The following HRH1 variants were observed in gnomAD, a reference collection of about 807,000 sequenced individuals.
HRH1 encodes histamine receptor H1.
Under a neutral mutation model 10.3 loss-of-function variants are expected in HRH1, and 6 were observed. The ratio of observed to expected loss-of-function variants is 0.58; its 90% CI spans 0.32 to 1.15. HRH1 has a LOEUF of 1.15. Ranked by LOEUF, HRH1 falls within the 50% of genes most tolerant of loss-of-function variation. The pLI is 0.05. For synonymous variants in HRH1, 242 were observed against 236.7 expected (o/e 1.02, Z -0.21); for missense variants, 514 against 615.3 (o/e 0.84, Z 1.74).
chr3:11,258,948 AG>A, intron 1 of HRH1, 54 bp from the exon 2 acceptor site: 3 of 1,256,298 alleles, frequency 2.4e-6, no homozygotes, highest in Non-Finnish European at 3.3e-6. Flanking sequence ...CATGCTACTA[AG>A]TGGCCACTCA....
At chr3:11,144,625 T>C (rs1936390655) in intron 1 of HRH1, among the ~76,000 whole-genome samples, 1 of 151,598 alleles carries the variant, frequency 6.6e-6, no homozygotes, top group Admixed American at 6.6e-5. Flanking sequence ...AGAGATGGGG[T>C]CATCACCACT....
intron 1 of HRH1, among the ~76,000 whole-genome samples, chr3:11,137,861 G>A (rs2124989714): frequency 6.6e-6 from 1 of 152,230 alleles, no homozygotes; most frequent in East Asian, 1.9e-4. Flanking sequence ...GTTATGGCGG[G>A]AGAGTATCTG....
At chr3:11,178,779 T>C (rs970180962) in intron 1 of HRH1, among the ~76,000 whole-genome samples, 2 of 152,104 alleles carry the variant, frequency 1.3e-5, no homozygotes, top group Non-Finnish European at 2.9e-5. Flanking sequence ...CCGAGAGCCC[T>C]TCCTTCATAC....
In HRH1 at chr3:11,225,709, G is replaced by A. The variant is rs534350211; in HGVS notation, c.-35-33294G>A. The stretch of plus-strand genomic sequence containing the variant: ...TTATTTACTTACTTACTTTTGAGAC[G>A]GAGTCTCGCTCTGTCGCCCAGGCTG... On this transcript the variant is annotated intron_variant, in intron 1 of 1. Transcript: ENST00000431010. Among the ~76,000 whole-genome samples, 184 of 152,314 alleles carry A rather than the reference G, an allele frequency of 1.2e-3. 1 individual carries two copies. The highest frequency in any genetic ancestry group is 3.7e-3 in the African/African-American group (154 of 41,572).
At chr3:11,245,351 TA>T (rs5846699) in intron 1 of HRH1, among the ~76,000 whole-genome samples, 124,360 of 149,792 alleles carry the variant, frequency 0.83, 51,794 homozygotes, top group East Asian at 0.91. Context: ...AGACTTCATC[TA>T]AAAAAAAAAA....
chr3:11,249,186 G>A lies in HRH1; in HGVS notation c.-35-9817G>A, dbSNP rs200726359. Among the ~76,000 whole-genome samples the A allele has an allele frequency of 7.2e-5, 11 of 152,172 alleles. No homozygotes were observed. In the East Asian group the frequency reaches 1.9e-3, roughly 27 times the overall value. On this transcript the variant is annotated intron_variant, in intron 1 of 1. Transcript: ENST00000431010. ...CCAAGGCAGGTGGATCACGAGGTCA[G>A]GAGATCCAGACCATCCTGGATAACA... is the stretch of plus-strand genomic sequence containing the variant.
At chr3:11,249,057 A>G (rs1429660191) in intron 1 of HRH1, among the ~76,000 whole-genome samples, 2 of 152,154 alleles carry the variant, frequency 1.3e-5, no homozygotes, top group Admixed American at 6.6e-5. Flanking sequence ...TATAATGGTA[A>G]CTTTAGTTTT....
At chr3:11,159,258 A>G (rs867220050) in intron 1 of HRH1, among the ~76,000 whole-genome samples, 1 of 152,142 alleles carries the variant, frequency 6.6e-6, no homozygotes, top group African/African-American at 2.4e-5. Context: ...AAAAAAACAA[A>G]ACAAAAAGAC....
upstream of HRH1, among the ~76,000 whole-genome samples, chr3:11,153,120 T>C (rs1936682908): frequency 6.6e-6 from 1 of 152,192 alleles, no homozygotes; most frequent in African/African-American, 2.4e-5. Context: ...ACCTTGGACC[T>C]TGGGGCCAGG....
chr3:11,242,838 T>G (rs1374734025), intron 1 of HRH1, among the ~76,000 whole-genome samples: 1 of 152,216 alleles, frequency 6.6e-6, no homozygotes, highest in African/African-American at 2.4e-5. Flanking sequence ...GAACTTCTTT[T>G]GAAAATTATG....
chr3:11,235,375 G>A (rs773015072), intron 1 of HRH1, among the ~76,000 whole-genome samples: 27 of 129,322 alleles, frequency 2.1e-4, no homozygotes, highest in Non-Finnish European at 1.5e-4. Flanking sequence ...AGAGGAAGCC[G>A]GAGGACACAC....
chr3:11,199,653 C>T (rs1937823743), intron 1 of HRH1, among the ~76,000 whole-genome samples: 1 of 152,214 alleles, frequency 6.6e-6, no homozygotes, highest in African/African-American at 2.4e-5. Flanking sequence ...CTGGCCCCTC[C>T]TAGTCCTCCC....
chr3:11,164,589 T>C (rs1457263987), intron 1 of HRH1, among the ~76,000 whole-genome samples: 1 of 152,210 alleles, frequency 6.6e-6, no homozygotes, highest in Admixed American at 6.5e-5. Flanking sequence ...CCATGCTTAC[T>C]TTTTCTCTGC....
At chr3:11,234,396 C>T in intron 1 of HRH1, 2 of 1,605,212 alleles carry the variant, frequency 1.2e-6, no homozygotes, top group Non-Finnish European at 1.7e-6. Context: ...TGCAGGCATT[C>T]CTGCATGGCC....
chr3:11,225,276 A>C (rs1330153552), intron 1 of HRH1, among the ~76,000 whole-genome samples: 2 of 152,192 alleles, frequency 1.3e-5, no homozygotes, highest in African/African-American at 4.8e-5. Context: ...TTTCTTGCCT[A>C]ATCGCTTGGC....
chr3:11,201,912 C>G (rs375245466), intron 1 of HRH1, among the ~76,000 whole-genome samples: 1 of 152,308 alleles, frequency 6.6e-6, no homozygotes. Context: ...CAGTGTTGGG[C>G]AGTCTCTTGT....
Position 11,176,436 on chromosome 3 carries a change from G to A in HRH1, c.-36+21882G>A, listed in dbSNP as rs1376636708. On this transcript the variant is annotated intron_variant, in intron 1 of 1. Coordinates refer to ENST00000431010, the MANE Select transcript of HRH1 (RefSeq NM_001098212.2). ...TGCCTCATGGAAGGTGGTACACCCC[G>A]CCCCATTGTGCACTGTTCTCCTAGG... Among the ~76,000 whole-genome samples the A allele has an allele frequency of 3.3e-5, 5 of 152,114 alleles. 1 individual carries two copies. In the South Asian group the frequency reaches 6.2e-4, roughly 19 times the overall value.
intron 1 of HRH1, among the ~76,000 whole-genome samples, chr3:11,258,476 C>T (rs1003261538): frequency 6.6e-6 from 1 of 152,106 alleles, no homozygotes; most frequent in African/African-American, 2.4e-5. Flanking sequence ...TGAGCAACAA[C>T]AATTTTTGTT....
intron 1 of HRH1, among the ~76,000 whole-genome samples, chr3:11,145,345 C>A (rs1032431115): frequency 6.6e-6 from 1 of 152,116 alleles, no homozygotes; most frequent in Non-Finnish European, 1.5e-5. Context: ...TTTCCTTGAG[C>A]CTGGAATGCC....
Sources: gnomAD v4.1 joint callset for allele counts (sites outside exome capture counted in the v4.1 genomes callset) on GRCh38, gnomAD v4.1.1 for gene constraint, MANE v1.5 for transcripts, NCBI Gene and HGNC (gene_info 2026-07-23, HGNC 2026-07-21) for gene names.